GLRA3: variants seen among roughly 807,000 people sequenced by gnomAD.
GLRA3 encodes glycine receptor alpha 3.
A neutral mutation model predicts 60.4 loss-of-function variants in GLRA3; 44 were observed. The ratio of observed to expected loss-of-function variants is 0.73; its 90% CI spans 0.57 to 0.94. GLRA3 has a LOEUF of 0.94. GLRA3 is among the 40% of genes least tolerant of loss of function. The pLI is 0.00. For missense variants in GLRA3, 508 were observed against 564.6 expected (o/e 0.90, Z 1.02); for synonymous variants, 223 against 192.9 (o/e 1.16, Z -1.29).
chr4:174,697,449 C>G (rs1735103694), intron 5 of GLRA3, among the ~76,000 whole-genome samples: 1 of 152,136 alleles, frequency 6.6e-6, no homozygotes, highest in Non-Finnish European at 1.5e-5. Context: ...ATTGACCTGA[C>G]AAGGAACAAC....
intron 5 of GLRA3, among the ~76,000 whole-genome samples, chr4:174,693,541 T>C (rs1400315486): frequency 3.9e-5 from 6 of 152,202 alleles, no homozygotes; most frequent in Non-Finnish European, 8.8e-5. Flanking sequence ...ACCAGTACCC[T>C]GCTCTTTTGG....
At chr4:174,787,409 T>C (rs1739165489) in intron 2 of GLRA3, among the ~76,000 whole-genome samples, 1 of 152,104 alleles carries the variant, frequency 6.6e-6, no homozygotes, top group African/African-American at 2.4e-5. Context: ...ACTAATTAGT[T>C]CTCAGCGGAT....
chr4:174,803,327 C>G (rs914687849), intron 1 of GLRA3, among the ~76,000 whole-genome samples: 1 of 152,042 alleles, frequency 6.6e-6, no homozygotes, highest in Non-Finnish European at 1.5e-5. Flanking sequence ...CTAATTAACT[C>G]ACTGATTTGT....
At chr4:174,668,747 C>T (rs530306247) in intron 7 of GLRA3, among the ~76,000 whole-genome samples, 6 of 152,244 alleles carry the variant, frequency 3.9e-5, no homozygotes, top group African/African-American at 1.4e-4. Context: ...CGTGTAGGAA[C>T]TCTATAAGGT....
At chr4:174,752,552 T>C (rs901744191) in intron 3 of GLRA3, among the ~76,000 whole-genome samples, 8 of 151,966 alleles carry the variant, frequency 5.3e-5, no homozygotes, top group Non-Finnish European at 1.2e-4. Context: ...TGAGTCCTTA[T>C]AGGAAAAGGT....
chr4:174,768,934 T>C (rs993652293), intron 2 of GLRA3, among the ~76,000 whole-genome samples: 4 of 152,170 alleles, frequency 2.6e-5, no homozygotes, highest in African/African-American at 7.2e-5. Context: ...TTACACTCTA[T>C]GTAAGTTAGT....
intron 7 of GLRA3, among the ~76,000 whole-genome samples, chr4:174,672,444 C>T (rs1428216605): frequency 6.6e-6 from 1 of 152,142 alleles, no homozygotes; most frequent in Non-Finnish European, 1.5e-5. Context: ...TATTGACTTT[C>T]GGTTTGGCCA....
Position 174,713,935 on chromosome 4 carries a change from T to C in GLRA3, c.574+1553A>G, listed in dbSNP as rs141651659. On this transcript the variant is annotated intron_variant, in intron 5 of 9. Transcript: ENST00000274093. ...ATTTTATCAATTGTCCCATCAACAT[T>C]TGCTTCTCATCCCCTGTTCCCTTTC... is the stretch of plus-strand genomic sequence containing the variant. Among the ~76,000 whole-genome samples the C allele has an allele frequency of 3.1e-4, 47 of 152,302 alleles. 1 individual carries two copies. In the East Asian group the frequency reaches 8.3e-3, roughly 27 times the overall value.
At chr4:174,683,369 G>C (rs77015195) in intron 5 of GLRA3, among the ~76,000 whole-genome samples, 1 of 135,774 alleles carries the variant, frequency 7.4e-6, no homozygotes, top group African/African-American at 2.8e-5. Flanking sequence ...TTTTTTTTTT[G>C]AGACGGAGTC....
chr4:174,779,177 C>T (rs1469791121), intron 2 of GLRA3, among the ~76,000 whole-genome samples: 2 of 152,200 alleles, frequency 1.3e-5, no homozygotes, highest in African/African-American at 2.4e-5. Context: ...AGCAGCCTAA[C>T]TGGGAGGCAC....
rs541936933 is a variant in GLRA3, at chr4:174,637,703, A to G, written c.*6083T>C. 28 of 152,322 alleles carry G rather than the reference A, an allele frequency of 1.8e-4. No individual in the cohort carries two copies. Among genetic ancestry groups the G allele is most frequent in the Admixed American group, 7.8e-4 (12 of 15,300 alleles). 9.4% of individuals were successfully genotyped at this position (152,322 alleles called of 1,614,324 possible). A position where few individuals can be genotyped will look rare whatever the true frequency, so the allele number is the denominator to read the frequency against. ...ACTCTAAAAACACACAATATGGTTAATATGGTTTGCTGCTAGTTTTTTTAA... is the reference window on the plus strand; with the variant it reads ...ACTCTAAAAACACACAATATGGTTAGTATGGTTTGCTGCTAGTTTTTTTAA... On this transcript the variant is annotated 3_prime_UTR_variant, in exon 10 of 10. Coordinates refer to ENST00000274093, the MANE Select transcript of GLRA3 (RefSeq NM_006529.4).
intron 3 of GLRA3, among the ~76,000 whole-genome samples, chr4:174,732,961 G>GT (rs1736614010): frequency 6.6e-6 from 1 of 152,120 alleles, no homozygotes; most frequent in Admixed American, 6.6e-5. Flanking sequence ...TATTGGTAAT[G>GT]TTTTAGCTCT....
chr4:174,791,020 T>A lies in GLRA3; in HGVS notation c.72-2077A>T, dbSNP rs1231832648. The stretch of plus-strand genomic sequence containing the variant: ...CTCCATCTCAAAAAAAAAAAAAAAA[T>A]ACTAGATGACTATGTATACTGAACC... On this transcript the variant is annotated intron_variant, in intron 1 of 9. Coordinates refer to ENST00000274093, the MANE Select transcript of GLRA3 (RefSeq NM_006529.4). Among the ~76,000 whole-genome samples, 235 of 133,786 alleles carry A rather than the reference T, an allele frequency of 1.8e-3. 1 individual carries two copies. The highest frequency in any genetic ancestry group is 6.6e-3 in the African/African-American group (225 of 34,172). 87.8% of individuals were successfully genotyped at this position (133,786 alleles called of 152,430 possible). A position where few individuals can be genotyped will look rare whatever the true frequency, so the allele number is the denominator to read the frequency against.
intron 2 of GLRA3, among the ~76,000 whole-genome samples, chr4:174,779,253 C>G (rs1202650127): frequency 6.6e-6 from 1 of 152,128 alleles, no homozygotes; most frequent in Non-Finnish European, 1.5e-5. Context: ...AGCTGAGGGT[C>G]CTGTCTGTTA....
intron 7 of GLRA3, among the ~76,000 whole-genome samples, chr4:174,665,174 T>A (rs1733612302): frequency 6.6e-6 from 1 of 152,082 alleles, no homozygotes; most frequent in Non-Finnish European, 1.5e-5. Flanking sequence ...TTTCCCTTCT[T>A]TTAGTTTTTG....
intron 1 of GLRA3, among the ~76,000 whole-genome samples, chr4:174,792,601 A>T (rs931134692): frequency 6.6e-6 from 1 of 152,202 alleles, no homozygotes; most frequent in African/African-American, 2.4e-5. Context: ...ATATGGACAT[A>T]TCATTCCAAT....
chr4:174,707,629 A>G (rs1426902060), intron 5 of GLRA3, among the ~76,000 whole-genome samples: 1 of 152,244 alleles, frequency 6.6e-6, no homozygotes, highest in African/African-American at 2.4e-5. Context: ...GTCTTTTCAT[A>G]TGAGAAAACG....
At chr4:174,670,132 A>C in intron 7 of GLRA3, among the ~76,000 whole-genome samples, 1 of 152,188 alleles carries the variant, frequency 6.6e-6, no homozygotes, top group Middle Eastern at 3.2e-3. Flanking sequence ...TCTAGATGTC[A>C]CTGAAAATGC....
At chr4:174,739,585 A>G (rs894447625) in intron 3 of GLRA3, among the ~76,000 whole-genome samples, 1 of 152,180 alleles carries the variant, frequency 6.6e-6, no homozygotes, top group Non-Finnish European at 1.5e-5. Flanking sequence ...TTGATTCCCA[A>G]CCCAAGGTAG....
Sources: gnomAD v4.1 joint callset for allele counts (sites outside exome capture counted in the v4.1 genomes callset) on GRCh38, gnomAD v4.1.1 for gene constraint, MANE v1.5 for transcripts, NCBI Gene and HGNC (gene_info 2026-07-23, HGNC 2026-07-21) for gene names.